The following ULK4 variants were observed in gnomAD, a reference collection of about 807,000 sequenced individuals.
ULK4 encodes inactive serine/threonine-protein kinase ULK4.
In ULK4, 133 loss-of-function variants were observed where a neutral mutation model predicts 160.6. The observed-to-expected ratio is 0.83, with a 90% CI of 0.72 to 0.96. ULK4 has a LOEUF of 0.96. ULK4 is among the 40% of genes least tolerant of loss of function. ULK4 has a pLI of 0.00. For synonymous variants in ULK4, 534 were observed against 539.8 expected (o/e 0.99, Z 0.15); for missense variants, 1,580 against 1,499.5 (o/e 1.05, Z -0.89).
intron 32 of ULK4, among the ~76,000 whole-genome samples, chr3:41,489,044 AC>A (rs2084651062): frequency 6.6e-6 from 1 of 151,586 alleles, no homozygotes; most frequent in South Asian, 2.1e-4. Context: ...CAAACCCCCA[AC>A]CCCTGACCCT....
intron 17 of ULK4, among the ~76,000 whole-genome samples, chr3:41,836,450 A>G (rs1000205979): frequency 6.6e-6 from 1 of 152,046 alleles, no homozygotes; most frequent in Non-Finnish European, 1.5e-5. Flanking sequence ...GGATTACAGG[A>G]GTGAGTCAGT....
intron 35 of ULK4, among the ~76,000 whole-genome samples, chr3:41,375,286 A>G (rs2081461675): frequency 6.6e-6 from 1 of 152,186 alleles, no homozygotes; most frequent in Non-Finnish European, 1.5e-5. Flanking sequence ...AAACTACTTT[A>G]AAATTCATAT....
intron 31 of ULK4, among the ~76,000 whole-genome samples, chr3:41,574,685 T>C (rs1233315147): frequency 6.6e-6 from 1 of 151,812 alleles, no homozygotes; most frequent in African/African-American, 2.4e-5. Flanking sequence ...GGGACTACAG[T>C]TGCCTGCCCA....
At chr3:41,534,635 A>G (rs1227420233) in intron 32 of ULK4, among the ~76,000 whole-genome samples, 1 of 152,158 alleles carries the variant, frequency 6.6e-6, no homozygotes, top group Admixed American at 6.5e-5. Flanking sequence ...GGCAACAGAC[A>G]CTGAACTGAG....
At chr3:41,897,707 G>A (rs1409069453) in intron 14 of ULK4, among the ~76,000 whole-genome samples, 3 of 151,956 alleles carry the variant, frequency 2.0e-5, no homozygotes, top group East Asian at 1.9e-4. Flanking sequence ...TTTCAAAAAC[G>A]TCCTTCTACA....
At chr3:41,441,184 G>A (rs1008492971) in intron 34 of ULK4, among the ~76,000 whole-genome samples, 30 of 151,822 alleles carry the variant, frequency 2.0e-4, no homozygotes, top group Admixed American at 1.2e-3. Flanking sequence ...TTCTACTTAC[G>A]TTGGGTTTAA....
chr3:41,645,337 T>C (rs1458101544), intron 30 of ULK4, among the ~76,000 whole-genome samples: 1 of 152,138 alleles, frequency 6.6e-6, no homozygotes, highest in Non-Finnish European at 1.5e-5. Context: ...TTTATTACTA[T>C]AAATTTCCCT....
chr3:41,266,172 C>T (rs2079029185), intron 35 of ULK4, among the ~76,000 whole-genome samples: 1 of 152,196 alleles, frequency 6.6e-6, no homozygotes, highest in Non-Finnish European at 1.5e-5. Context: ...CAGGCCTCTG[C>T]TCTTTATACT....
At chr3:41,299,212 T>G (rs1264306891) in intron 35 of ULK4, among the ~76,000 whole-genome samples, 2 of 152,194 alleles carry the variant, frequency 1.3e-5, no homozygotes, top group Non-Finnish European at 1.5e-5. Flanking sequence ...GCTATCCTGC[T>G]GGTGAACGAG....
chr3:41,569,785 T>C (rs1186950586), intron 31 of ULK4, among the ~76,000 whole-genome samples: 1 of 101,320 alleles, frequency 9.9e-6, no homozygotes, highest in African/African-American at 3.1e-5. Flanking sequence ...ATGACTACCC[T>C]ACATTTTTTT....
At chr3:41,726,251 G>A (rs2037646703) in intron 22 of ULK4, among the ~76,000 whole-genome samples, 1 of 152,104 alleles carries the variant, frequency 6.6e-6, no homozygotes. Flanking sequence ...TACATCTGCT[G>A]GGAGAAATAA....
chr3:41,566,974 C>G (rs2087803148), intron 31 of ULK4, among the ~76,000 whole-genome samples: 2 of 152,122 alleles, frequency 1.3e-5, no homozygotes, highest in South Asian at 4.1e-4. Flanking sequence ...CCTGTAAGTA[C>G]CCACTGACAG....
chr3:41,881,884 G>C (rs1697535861), intron 17 of ULK4, among the ~76,000 whole-genome samples: 1 of 152,194 alleles, frequency 6.6e-6, no homozygotes, highest in Non-Finnish European at 1.5e-5. Context: ...ACTGGAGTAA[G>C]AGAAATACTT....
intron 32 of ULK4, among the ~76,000 whole-genome samples, chr3:41,477,620 C>CACATTAAATCAGTACG (rs2084183452): frequency 5.9e-5 from 9 of 152,138 alleles, no homozygotes; most frequent in Admixed American, 4.6e-4. Flanking sequence ...CCACTAAAAC[C>CACATTAAATCAGTACG]AGAAGTCACA....
chr3:41,393,655 G>A (rs2081999873), intron 35 of ULK4, among the ~76,000 whole-genome samples: 1 of 152,146 alleles, frequency 6.6e-6, no homozygotes, highest in Non-Finnish European at 1.5e-5. Flanking sequence ...TGAGGGCAGG[G>A]AGCAGCAAGA....
At chr3:41,509,133 C>T (rs1032562988) in intron 32 of ULK4, among the ~76,000 whole-genome samples, 6 of 151,912 alleles carry the variant, frequency 3.9e-5, no homozygotes, top group Non-Finnish European at 5.9e-5. Flanking sequence ...AAAAAACAAT[C>T]GCAACTTCTG....
intron 12 of ULK4, among the ~76,000 whole-genome samples, chr3:41,901,876 C>T (rs553021898): frequency 1.3e-5 from 2 of 152,202 alleles, no homozygotes; most frequent in African/African-American, 4.8e-5. Context: ...AAAAAATTTT[C>T]AGACTTAAAT....
At chr3:41,749,758 T>C (rs1199221699) in intron 22 of ULK4, among the ~76,000 whole-genome samples, 2 of 152,008 alleles carry the variant, frequency 1.3e-5, no homozygotes, top group Non-Finnish European at 2.9e-5. Flanking sequence ...ATAATCTGAG[T>C]GAGCCTAAGC....
chr3:41,922,791 CAA>C (rs1174170080), intron 5 of ULK4, among the ~76,000 whole-genome samples: 1 of 152,000 alleles, frequency 6.6e-6, no homozygotes, highest in Non-Finnish European at 1.5e-5. Context: ...GGACTCCATG[CAA>C]AGAGAAAGGG....
Sources: allele counts gnomAD v4.1 joint callset (sites outside exome capture counted in the v4.1 genomes callset), GRCh38; gene constraint gnomAD v4.1.1; transcripts MANE v1.5; gene names NCBI Gene and HGNC (gene_info 2026-07-23, HGNC 2026-07-21).